The following SBF2 variants were observed in gnomAD, a reference collection of about 807,000 sequenced individuals.
SBF2 encodes SET binding factor 2.
SBF2 carries 112 observed loss-of-function variants against 225.2 expected under a neutral mutation model. The ratio of observed to expected loss-of-function variants is 0.50; its 90% CI spans 0.43 to 0.58. The LOEUF (loss-of-function observed/expected upper bound fraction) is 0.58, where lower values mean the gene tolerates loss of function less well. Among genes scored for constraint, SBF2 ranks in the 20% least tolerant of loss-of-function variants. The pLI, the probability that SBF2 is intolerant of heterozygous loss-of-function variation, is 0.00. For synonymous variants in SBF2, 763 were observed against 773.3 expected, an observed-to-expected ratio of 0.99 and a Z score of 0.22; for missense variants, 1,996 against 2,206.2, an observed-to-expected ratio of 0.90 and a Z score of 1.91.
chr11:10,081,457 A>G (rs1214882777), intron 2 of SBF2, among the ~76,000 whole-genome samples: 1 of 152,138 alleles, frequency 6.6e-6, no homozygotes. Context: ...ATAACATTAA[A>G]TACCTCCATT....
chr11:10,270,473 T>G (rs1962381933), intron 1 of SBF2, among the ~76,000 whole-genome samples: 1 of 152,208 alleles, frequency 6.6e-6, no homozygotes, highest in Non-Finnish European at 1.5e-5. Context: ...TCATCCTTAT[T>G]GTCCTCATGT....
intron 16 of SBF2, chr11:9,958,819 A>T (rs1471770548): frequency 5.3e-6 from 3 of 567,850 alleles, no homozygotes; most frequent in Admixed American, 4.5e-5. Flanking sequence ...AAAATGGGTC[A>T]CAGTCGGCAG....
intron 2 of SBF2, among the ~76,000 whole-genome samples, chr11:10,100,275 T>C (rs930149447): frequency 6.6e-6 from 1 of 152,224 alleles, no homozygotes; most frequent in Non-Finnish European, 1.5e-5. Context: ...TCTTGATAAA[T>C]TGGCTCTGCC....
chr11:10,168,515 A>G (rs1307657046), intron 2 of SBF2, among the ~76,000 whole-genome samples: 1 of 152,218 alleles, frequency 6.6e-6, no homozygotes, highest in African/African-American at 2.4e-5. Context: ...CACTGTCACC[A>G]ATAGGAAACA....
chr11:9,853,793 G>A lies in SBF2; in HGVS notation c.2364-81C>T, dbSNP rs1857129721. The A allele has an allele frequency of 2.8e-5, 37 of 1,314,240 alleles. 1 individual carries two copies. In the South Asian group the frequency reaches 3.2e-4, roughly 11 times the overall value. The allele number at this position is 1,314,240 out of a possible 1,614,324, so 81.4% of individuals were successfully genotyped here. A position where few individuals can be genotyped will look rare whatever the true frequency, so the allele number is the denominator to read the frequency against. Reference sequence around the variant, plus strand: ...CTATATAGTAGTCAATTTACATAGCGACAGAAACATGAGCAAAGTGATGTC... The same window carrying A: ...CTATATAGTAGTCAATTTACATAGCAACAGAAACATGAGCAAAGTGATGTC... On this transcript the variant is annotated intron_variant, in intron 19 of 39. Coordinates refer to ENST00000256190, the MANE Select transcript of SBF2 (RefSeq NM_030962.4).
upstream of SBF2, chr11:10,294,252 C>T (rs528789306): frequency 6.4e-5 from 26 of 409,314 alleles, no homozygotes; most frequent in Non-Finnish European, 1.1e-4. Context: ...CCGCTCCTCC[C>T]CCGCCCCCAC....
chr11:9,854,845 T>A (rs889828007), intron 19 of SBF2, among the ~76,000 whole-genome samples: 1 of 152,098 alleles, frequency 6.6e-6, no homozygotes, highest in Non-Finnish European at 1.5e-5. Context: ...CCCACTTCGG[T>A]CTCCCAAAGT....
chr11:10,206,081 T>C (rs986946367), intron 1 of SBF2, among the ~76,000 whole-genome samples: 2 of 151,012 alleles, frequency 1.3e-5, no homozygotes, highest in African/African-American at 2.4e-5. Flanking sequence ...GGCAGTGAAA[T>C]AGCACCAATA....
At chr11:9,936,481 C>G (rs1864905735) in intron 16 of SBF2, among the ~76,000 whole-genome samples, 1 of 152,168 alleles carries the variant, frequency 6.6e-6, no homozygotes, top group Non-Finnish European at 1.5e-5. Flanking sequence ...ATAAATCATG[C>G]TACTATAAAG....
Position 9,780,277 on chromosome 11 carries a change from C to T in SBF2, c.*141G>A, listed in dbSNP as rs1026021423. 4.1e-6 allele frequency: 3 copies of T among 736,658 alleles called. No individual in the cohort carries two copies. The highest frequency in any genetic ancestry group is 2.7e-5 in the East Asian group (1 of 37,102). The allele number at this position is 736,658 out of a possible 1,614,324, so 45.6% of individuals were successfully genotyped here. On this transcript the variant is annotated 3_prime_UTR_variant, in exon 40 of 40. Transcript: ENST00000256190. ...TATTCAGGTTAAGTAGATATAGCAA[C>T]CCCTGCAAGAGGGGACTGGGCAGGA... is the stretch of plus-strand genomic sequence containing the variant.
At chr11:10,243,664 G>A (rs12269976) in intron 1 of SBF2, among the ~76,000 whole-genome samples, 3,307 of 152,078 alleles carry the variant, frequency 0.022, 91 homozygotes, top group African/African-American at 0.066. Flanking sequence ...CATAAAAGAC[G>A]ATTGTGTACA....
intron 16 of SBF2, among the ~76,000 whole-genome samples, chr11:9,919,949 C>G (rs910217787): frequency 6.6e-6 from 1 of 152,028 alleles, no homozygotes; most frequent in African/African-American, 2.4e-5. Context: ...TCAGGCTGGT[C>G]TGGAACTCCT....
At chr11:10,092,288 A>T (rs10840362) in intron 2 of SBF2, among the ~76,000 whole-genome samples, 9,231 of 152,170 alleles carry the variant, frequency 0.061, 571 homozygotes, top group East Asian at 0.19. Context: ...TTTTTCTTGG[A>T]GATAACATAT....
intron 36 of SBF2, among the ~76,000 whole-genome samples, chr11:9,785,720 C>G (rs1852328918): frequency 6.6e-6 from 1 of 152,048 alleles, no homozygotes; most frequent in African/African-American, 2.4e-5. Context: ...TAAAAATGAG[C>G]CAGGTATGGT....
chr11:10,092,870 T>C (rs923344236), intron 2 of SBF2, among the ~76,000 whole-genome samples: 9 of 152,036 alleles, frequency 5.9e-5, no homozygotes, highest in Admixed American at 5.2e-4. Flanking sequence ...GATTATACCC[T>C]AGAACGAGCA....
intron 25 of SBF2, among the ~76,000 whole-genome samples, chr11:9,840,267 AC>A (rs1253588524): frequency 1.3e-5 from 2 of 151,510 alleles, no homozygotes; most frequent in East Asian, 3.9e-4. Flanking sequence ...AAAAAAAAAA[AC>A]AAACCCGCTA....
At chr11:9,905,098 A>C (rs1329544173) in intron 16 of SBF2, among the ~76,000 whole-genome samples, 1 of 152,254 alleles carries the variant, frequency 6.6e-6, no homozygotes, top group East Asian at 1.9e-4. Flanking sequence ...TTGTCAGCTC[A>C]CAATGCAATT....
rs530141845 is a variant in SBF2, at chr11:9,913,469, T to C, written c.1861-17458A>G. On this transcript the variant is annotated intron_variant, in intron 16 of 39. Coordinates refer to ENST00000256190, the MANE Select transcript of SBF2 (RefSeq NM_030962.4). ...GAGTTTCTTGTGGGAATGAGACTAG[T>C]ATAATTACTTAGAAAAAAACATTTG... Among the ~76,000 whole-genome samples, 6 of 152,206 alleles carry C rather than the reference T, an allele frequency of 3.9e-5. No homozygotes were observed. The East Asian group carries it at 1.2e-3, about 29-fold the overall frequency.
intron 1 of SBF2, among the ~76,000 whole-genome samples, chr11:10,287,839 G>A (rs907785414): frequency 6.6e-6 from 1 of 152,208 alleles, no homozygotes; most frequent in Admixed American, 6.5e-5. Context: ...TACCAGCCTG[G>A]ATCCCATGCC....
Sources: gnomAD v4.1 joint callset for allele counts (sites outside exome capture counted in the v4.1 genomes callset) on GRCh38, gnomAD v4.1.1 for gene constraint, MANE v1.5 for transcripts, NCBI Gene and HGNC (gene_info 2026-07-23, HGNC 2026-07-21) for gene names.